Variants in TSG101 observed in about 807,000 individuals in gnomAD.
TSG101 encodes the protein tumor susceptibility 101.
Under a neutral mutation model 48.5 loss-of-function variants are expected in TSG101, and 19 were observed. The ratio of observed to expected loss-of-function variants is 0.39; its 90% CI spans 0.27 to 0.58. TSG101 has a LOEUF of 0.58. Ranked by LOEUF, TSG101 falls within the 20% of genes least tolerant of loss-of-function variation. TSG101 has a pLI of 0.55. For missense variants in TSG101, 365 were observed against 484.4 expected, an observed-to-expected ratio of 0.75 and a Z score of 2.31; for synonymous variants, 174 against 169.4, an observed-to-expected ratio of 1.03 and a Z score of -0.21.
In TSG101 at chr11:18,488,943, C is replaced by A. The variant is rs1348683559; in HGVS notation, c.641-4871G>T. ...GATCGAGATCAACATGGTGAAAACC[C>A]ATCTCTACTAAAAATACAAAAATTA... is the stretch of plus-strand genomic sequence containing the variant. On this transcript the variant is annotated intron_variant, in intron 7 of 9. Coordinates refer to ENST00000251968, the MANE Select transcript of TSG101 (RefSeq NM_006292.4). Among the ~76,000 whole-genome samples the A allele has an allele frequency of 2.0e-5, 3 of 151,842 alleles. No individual in the cohort carries two copies. The East Asian group carries it at 5.8e-4, about 29-fold the overall frequency.
At chr11:18,520,064 C>A (rs1850243770) in intron 1 of TSG101, among the ~76,000 whole-genome samples, 1 of 152,120 alleles carries the variant, frequency 6.6e-6, no homozygotes, top group Non-Finnish European at 1.5e-5. Context: ...TTAGCAATCA[C>A]CCCCCATTCT....
chr11:18,493,003 T>C (rs138164057), intron 7 of TSG101, among the ~76,000 whole-genome samples: 17 of 152,278 alleles, frequency 1.1e-4, no homozygotes, highest in Admixed American at 8.5e-4. Flanking sequence ...TAGAAGAAAT[T>C]TGAATATTCT....
In TSG101 at chr11:18,480,560, T is replaced by C; in HGVS notation, c.1159A>G (p.Ser387Gly). 1.2e-6 allele frequency: 2 copies of C among 1,613,860 alleles called. No individual in the cohort carries two copies. ...TATCAGAGAAGTCAGTAGAGGTCAC[T>C]GAGACCGGCAGTCTTTCTTGCTTTT... is the stretch of plus-strand genomic sequence containing the variant. ...MQKARKTAGL[S>G]DLY The change falls in exon 10 of 10, where the codon AGT (serine) becomes GGT (glycine). Residue 387 changes from serine to glycine, a missense_variant. Coordinates refer to ENST00000251968, the MANE Select transcript of TSG101 (RefSeq NM_006292.4).
At chr11:18,481,986 G>T in intron 8 of TSG101, 117 bp from the exon 9 acceptor site, 1 of 1,381,036 alleles carries the variant, frequency 7.2e-7, no homozygotes, top group Non-Finnish European at 9.8e-7. Flanking sequence ...ACTCATGGAT[G>T]AGAATAATGT....
At chr11:18,523,377 AGTT>A (rs1221108913) in intron 1 of TSG101, among the ~76,000 whole-genome samples, 1 of 152,090 alleles carries the variant, frequency 6.6e-6, no homozygotes, top group African/African-American at 2.4e-5. Flanking sequence ...GTATTTATTG[AGTT>A]GTTTATTGCC....
At chr11:18,493,810 CAA>C (rs1325186059) in intron 7 of TSG101, among the ~76,000 whole-genome samples, 1 of 152,236 alleles carries the variant, frequency 6.6e-6, no homozygotes, top group Non-Finnish European at 1.5e-5. Context: ...CTATTAAGTG[CAA>C]ACACTGCAAA....
chr11:18,518,839 T>C (rs1196842355), intron 2 of TSG101, among the ~76,000 whole-genome samples: 1 of 152,096 alleles, frequency 6.6e-6, no homozygotes, highest in Non-Finnish European at 1.5e-5. Context: ...TGAAACTCAA[T>C]TTTGTTTAAT....
intron 6 of TSG101, 42 bp from the exon 7 acceptor site, chr11:18,502,619 C>G: frequency 6.7e-7 from 1 of 1,485,624 alleles, no homozygotes; most frequent in Non-Finnish European, 9.3e-7. Flanking sequence ...TAAGATGACC[C>G]AACCTTATAG....
chr11:18,500,220 T>C (rs143924160), intron 7 of TSG101, among the ~76,000 whole-genome samples: 128 of 152,358 alleles, frequency 8.4e-4, no homozygotes, highest in African/African-American at 2.7e-3. Context: ...CTTTATCCAT[T>C]CATCTGCTGA....
At chr11:18,519,475 A>G (rs774700223) in intron 2 of TSG101, 44 bp downstream of exon 2, 1 of 1,449,960 alleles carries the variant, frequency 6.9e-7, no homozygotes, top group Admixed American at 1.9e-5. Context: ...CAAAGAGAGT[A>G]AACTCAAAGT....
chr11:18,482,899 A>G (rs1265669299), intron 8 of TSG101, among the ~76,000 whole-genome samples: 1 of 152,174 alleles, frequency 6.6e-6, no homozygotes, highest in Non-Finnish European at 1.5e-5. Context: ...AAGCACTCAA[A>G]CAGTCCTCCT....
At chr11:18,515,603 T>C (rs1353111781) in intron 3 of TSG101, among the ~76,000 whole-genome samples, 3 of 152,222 alleles carry the variant, frequency 2.0e-5, no homozygotes, top group Non-Finnish European at 4.4e-5. Context: ...CTGTGCCACG[T>C]CCTTTACATT....
chr11:18,498,723 T>A (rs927063720), intron 7 of TSG101, among the ~76,000 whole-genome samples: 5 of 152,024 alleles, frequency 3.3e-5, no homozygotes, highest in African/African-American at 1.2e-4. Context: ...GGCACAGAGA[T>A]GGTATTTAAA....
At chr11:18,501,399 C>A (rs532222895) in intron 7 of TSG101, among the ~76,000 whole-genome samples, 1 of 152,264 alleles carries the variant, frequency 6.6e-6, no homozygotes, top group East Asian at 1.9e-4. Context: ...GTTCTTGGCA[C>A]CTTTGCTGAA....
At chr11:18,500,475 A>G (rs1397848008) in intron 7 of TSG101, among the ~76,000 whole-genome samples, 1 of 152,094 alleles carries the variant, frequency 6.6e-6, no homozygotes, top group Non-Finnish European at 1.5e-5. Context: ...CTCATCCTCA[A>G]TAACATTTGT....
Position 18,514,790 on chromosome 11 carries a change from T to C in TSG101, c.245A>G (p.Tyr82Cys), listed in dbSNP as rs1236600553. Reference sequence around the variant, plus strand: ...CTTAACAAAACAGATAGGGGGATTATATGGGTATGTGTCCAGTAGCCATAG... The same window carrying C: ...CTTAACAAAACAGATAGGGGGATTACATGGGTATGTGTCCAGTAGCCATAG... ...ICLWLLDTYP[Y>C]NPPICFVKPT... The change falls in exon 4 of 10, where the codon TAT (tyrosine) becomes TGT (cysteine). Residue 82 changes from tyrosine (Y) to cysteine (C), a missense_variant. By Grantham distance (194) the Tyr-to-Cys change is radical. Transcript: ENST00000251968. 2 of 1,597,564 alleles carry C rather than the reference T, an allele frequency of 1.3e-6. No homozygotes were observed. Among genetic ancestry groups the C allele is most frequent in the African/African-American group, 1.4e-5 (1 of 73,670 alleles).
At chr11:18,498,859 T>C (rs1171234632) in intron 7 of TSG101, among the ~76,000 whole-genome samples, 1 of 151,948 alleles carries the variant, frequency 6.6e-6, no homozygotes, top group African/African-American at 2.4e-5. Context: ...TGAATACCCA[T>C]GAGACAGGAA....
At position 18,506,436 on chromosome 11, in the gene TSG101, T is replaced by C. The variant is rs191547175; in HGVS notation, c.548+421A>G. On this transcript the variant is annotated intron_variant, in intron 6 of 9. Transcript: ENST00000251968. Reference sequence around the variant, plus strand: ...GGCTGGGCATGGTGGCTCACACCTGTAATCCCAGCGCTTTGGGAGTCTGAG... The same window carrying C: ...GGCTGGGCATGGTGGCTCACACCTGCAATCCCAGCGCTTTGGGAGTCTGAG... Among the ~76,000 whole-genome samples the C allele has an allele frequency of 2.6e-5, 4 of 151,500 alleles. No individual in the cohort carries two copies. In the East Asian group the frequency reaches 7.8e-4, roughly 29 times the overall value.
chr11:18,483,890 T>A lies in TSG101; in HGVS notation c.823A>T (p.Thr275Ser). 1 of 1,614,176 alleles carries A rather than the reference T, an allele frequency of 6.2e-7. No homozygotes were observed. Among genetic ancestry groups the A allele is most frequent in the Non-Finnish European group, 8.5e-7 (1 of 1,180,022 alleles). ...KGHQKLEEMV[T>S]RLDQEVAEVD... ...CTTACTACTTCTTGATCTAAACGGG[T>A]AACCATCTCTTCCAGTTTCTGGTGA... Residue 275 changes from threonine to serine, a missense_variant, in exon 8 of 10, where the codon ACC (threonine) becomes TCC (serine). Thr to Ser is a moderately conservative substitution (Grantham distance 58). Coordinates refer to ENST00000251968, the MANE Select transcript of TSG101 (RefSeq NM_006292.4).
Sources: allele counts gnomAD v4.1 joint callset (sites outside exome capture counted in the v4.1 genomes callset), GRCh38; gene constraint gnomAD v4.1.1; transcripts MANE v1.5; gene names NCBI Gene and HGNC (gene_info 2026-07-23, HGNC 2026-07-21).